Variants in POLR1D observed in about 807,000 individuals in gnomAD.
POLR1D encodes the protein DNA-directed RNA polymerases I and III subunit RPAC2.
Under a neutral mutation model 10.8 loss-of-function variants are expected in POLR1D, and 8 were observed. The ratio of observed to expected loss-of-function variants is 0.74; its 90% confidence interval spans 0.43 to 1.33. The LOEUF (loss-of-function observed/expected upper bound fraction) is 1.33, where lower values mean the gene tolerates loss of function less well. Ranked by LOEUF, POLR1D falls within the 40% of genes most tolerant of loss-of-function variation. POLR1D has a pLI of 0.01. For missense variants in POLR1D, 152 were observed against 161.7 expected, an observed-to-expected ratio of 0.94 and a Z score of 0.32; for synonymous variants, 54 against 57.2, an observed-to-expected ratio of 0.94 and a Z score of 0.25.
chr13:27,632,482 G>T (rs1206432251), intron 1 of POLR1D, among the ~76,000 whole-genome samples: 1 of 152,038 alleles, frequency 6.6e-6, no homozygotes, highest in East Asian at 1.9e-4. Context: ...GCTATTTAAG[G>T]TCCATTTGTT....
rs921126613 is a variant in POLR1D, at chr13:27,623,220, A to C, written c.372A>C (p.Gln124His). Residue 124 changes from glutamine to histidine, a missense_variant, in exon 2 of 2, where the codon CAA (glutamine) becomes CAC (histidine). Physicochemically the swap from Gln to His is conservative, Grantham distance 24. Transcript: ENST00000302979. ...CCAGCATAAAGGACTATAAGGATCA[A>C]AAAGCAAGCAGAAATGAATCCACAT... The part of the protein sequence containing the change: ...FEASIKDYKD[Q>H]KASRNESTF The C allele has an allele frequency of 6.2e-7, 1 of 1,613,994 alleles. No homozygotes were observed. Among genetic ancestry groups the C allele is most frequent in the Non-Finnish European group, 8.5e-7 (1 of 1,180,038 alleles).
At chr13:27,628,742 G>A (rs1341333100) in intron 1 of POLR1D, among the ~76,000 whole-genome samples, 2 of 152,202 alleles carry the variant, frequency 1.3e-5, no homozygotes, top group Non-Finnish European at 2.9e-5. Flanking sequence ...CTGTGGGAAG[G>A]AGGATATGTA....
At chr13:27,628,827 A>G (rs568794805) in intron 1 of POLR1D, among the ~76,000 whole-genome samples, 6 of 152,182 alleles carry the variant, frequency 3.9e-5, no homozygotes, top group African/African-American at 1.2e-4. Flanking sequence ...GAACTTTTTT[A>G]TTCTTCTTTT....
At chr13:27,627,064 C>T (rs1340170833), downstream of POLR1D, among the ~76,000 whole-genome samples, 1 of 152,198 alleles carries the variant, frequency 6.6e-6, no homozygotes, top group Non-Finnish European at 1.5e-5. Context: ...CTCCAGATCA[C>T]TAGACAAAAG....
chr13:27,663,932 C>T lies in POLR1D; in HGVS notation c.102-1754C>T, dbSNP rs4769562. On this transcript the variant is annotated intron_variant, in intron 2 of 2. Coordinates refer to the POLR1D transcript ENST00000399697. This position sits in a 1 kb window ranked among gnomAD's most constrained non-coding sequence, Gnocchi z 4.1. Reference sequence around the variant, plus strand: ...AGCACCAGGCCACCATTGCCAAAGACAGGCCCTCTAAGCTTTTTACTCTCT... The same window carrying T: ...AGCACCAGGCCACCATTGCCAAAGATAGGCCCTCTAAGCTTTTTACTCTCT... 0.42 allele frequency among the ~76,000 whole-genome samples: 64,087 copies of T among 152,066 alleles called. 13,784 individuals carry two copies. Among genetic ancestry groups the T allele is most frequent in the Admixed American group, 0.5 (7,616 of 15,282 alleles).
At chr13:27,662,804 T>C (rs9512780) in intron 2 of POLR1D, among the ~76,000 whole-genome samples, 19,776 of 152,204 alleles carry the variant, frequency 0.13, 1,367 homozygotes, top group South Asian at 0.2. Flanking sequence ...TGCCTTTATG[T>C]GTCAGGCATT....
chr13:27,658,885 C>A (rs1169915510), intron 2 of POLR1D, among the ~76,000 whole-genome samples: 11 of 152,136 alleles, frequency 7.2e-5, no homozygotes, highest in Admixed American at 5.9e-4. Flanking sequence ...ATCTACTGCC[C>A]AATATAATTT....
At chr13:27,666,904 A>G (rs773498150) in exon 3 of POLR1D, 1 of 152,238 alleles carries the variant, frequency 6.6e-6, no homozygotes, top group East Asian at 1.9e-4. Context: ...AAGGAAGAAG[A>G]TGAAGATTCT....
In POLR1D at chr13:27,623,197, A is replaced by G. The variant is rs143410332; in HGVS notation, c.349A>G (p.Ser117Gly). ...ACATGTGCTTGACAAGTTTGAGGCC[A>G]GCATAAAGGACTATAAGGATCAAAA... ...CQHVLDKFEA[S>G]IKDYKDQKAS... is the part of the protein sequence containing the mutation. The change falls in exon 2 of 2, where the codon AGC (serine) becomes GGC (glycine). Residue 117 changes from serine (S) to glycine (G), a missense_variant. By Grantham distance (56) the Ser-to-Gly change is moderately conservative. Coordinates refer to ENST00000302979, the MANE Select transcript of POLR1D (RefSeq NM_015972.4). 1 of 1,614,100 alleles carries G rather than the reference A, an allele frequency of 6.2e-7. No individual in the cohort carries two copies. The highest frequency in any genetic ancestry group is 8.5e-7 in the Non-Finnish European group (1 of 1,180,044).
chr13:27,621,743 G>A (rs1280083725), upstream of POLR1D: 2 of 339,454 alleles, frequency 5.9e-6, no homozygotes, highest in East Asian at 4.8e-5. Flanking sequence ...GGTCGCCCAG[G>A]TGAGCCGCGG....
chr13:27,661,944 G>A (rs1183558087), intron 2 of POLR1D, among the ~76,000 whole-genome samples: 1 of 152,164 alleles, frequency 6.6e-6, no homozygotes, highest in Non-Finnish European at 1.5e-5. Context: ...TGGCAATGGA[G>A]AATTGAGATA....
intron 1 of POLR1D, among the ~76,000 whole-genome samples, chr13:27,635,735 C>CATAT (rs1343900251): frequency 8.3e-6 from 1 of 120,470 alleles, no homozygotes; most frequent in African/African-American, 2.7e-5. Flanking sequence ...TACATACACA[C>CATAT]ATATATATAT....
chr13:27,624,197 C>T (rs971313305), downstream of POLR1D, among the ~76,000 whole-genome samples: 4 of 152,194 alleles, frequency 2.6e-5, no homozygotes, highest in African/African-American at 7.2e-5. Context: ...ATGTGTCAGG[C>T]CTCTCAGCCT....
At chr13:27,652,907 A>ACTTCTTTTTTTTTTTTTTTTTTTTT (rs1365436145) in intron 2 of POLR1D, among the ~76,000 whole-genome samples, 1 of 78,520 alleles carries the variant, frequency 1.3e-5, no homozygotes, top group African/African-American at 6.0e-5. Flanking sequence ...TGCATTTACC[A>ACTTCTTTTTTTTTTTTTTTTTTTTT]TTTCTTTTTT....
At chr13:27,657,756 C>G (rs569496495) in intron 2 of POLR1D, among the ~76,000 whole-genome samples, 6 of 152,244 alleles carry the variant, frequency 3.9e-5, no homozygotes, top group African/African-American at 1.4e-4. Flanking sequence ...AAAAGTTTAT[C>G]TGCATTTTTC....
At chr13:27,626,379 T>C (rs1474741528), downstream of POLR1D, among the ~76,000 whole-genome samples, 2 of 152,216 alleles carry the variant, frequency 1.3e-5, no homozygotes, top group African/African-American at 2.4e-5. Flanking sequence ...ACTGATCACG[T>C]AGAATGCAGT....
chr13:27,632,132 C>T (rs989675664), intron 1 of POLR1D, among the ~76,000 whole-genome samples: 1 of 152,196 alleles, frequency 6.6e-6, no homozygotes, highest in Non-Finnish European at 1.5e-5. Context: ...TGATCCCATG[C>T]CTCATCTGTT....
chr13:27,633,464 T>C (rs1038760704), intron 1 of POLR1D, among the ~76,000 whole-genome samples: 1 of 152,248 alleles, frequency 6.6e-6, no homozygotes, highest in Non-Finnish European at 1.5e-5. Flanking sequence ...GCTTAAGTTT[T>C]ATTTTGCCCT....
chr13:27,630,084 G>C (rs1401364982), intron 1 of POLR1D, among the ~76,000 whole-genome samples: 1 of 151,944 alleles, frequency 6.6e-6, no homozygotes. Context: ...GCTAATTTTT[G>C]TATTTTTTAG....
Sources: allele counts gnomAD v4.1 joint callset (sites outside exome capture counted in the v4.1 genomes callset), GRCh38; gene constraint gnomAD v4.1.1; non-coding constraint Gnocchi (gnomAD v3.1); transcripts MANE v1.5; gene names NCBI Gene and HGNC (gene_info 2026-07-23, HGNC 2026-07-21).